The following ARHGAP22 variants were observed in gnomAD, a reference collection of about 807,000 sequenced individuals.
ARHGAP22 encodes the protein rho GTPase-activating protein 22.
ARHGAP22 carries 48 observed loss-of-function variants against 59.1 expected under a neutral mutation model. The observed-to-expected ratio is 0.81, with a 90% CI of 0.64 to 1.03. ARHGAP22 has a LOEUF of 1.03. Among genes scored for constraint, ARHGAP22 ranks in the 50% least tolerant of loss-of-function variants. The pLI is 0.00. For synonymous variants in ARHGAP22, 445 were observed against 416.4 expected, an observed-to-expected ratio of 1.07 and a Z score of -0.84; for missense variants, 1,015 against 958.7, an observed-to-expected ratio of 1.06 and a Z score of -0.78.
At chr10:48,509,664 C>T (rs1193075215) in intron 3 of ARHGAP22, among the ~76,000 whole-genome samples, 1 of 152,264 alleles carries the variant, frequency 6.6e-6, no homozygotes, top group African/African-American at 2.4e-5. Flanking sequence ...GGGCCCTCCC[C>T]GCACAGCCCC....
At chr10:48,617,187 C>T (rs557560591) in intron 1 of ARHGAP22, among the ~76,000 whole-genome samples, 3 of 151,930 alleles carry the variant, frequency 2.0e-5, no homozygotes, top group Admixed American at 6.6e-5. Flanking sequence ...AACACTGGAC[C>T]ACTCAGATAT....
intron 1 of ARHGAP22, among the ~76,000 whole-genome samples, chr10:48,620,235 G>C (rs1033256749): frequency 6.6e-6 from 1 of 151,598 alleles, no homozygotes; most frequent in African/African-American, 2.4e-5. Flanking sequence ...CCTGAGCCAC[G>C]GAGCTGTATG....
chr10:48,537,156 AAG>A (rs2055439020), intron 3 of ARHGAP22, among the ~76,000 whole-genome samples: 1 of 152,256 alleles, frequency 6.6e-6, no homozygotes, highest in South Asian at 2.1e-4. Flanking sequence ...AATGAAAAGA[AAG>A]AAATCCTTCT....
chr10:48,583,011 A>G lies in ARHGAP22; in HGVS notation c.176T>C (p.Phe59Ser), dbSNP rs759125349. The change falls in exon 2 of 10, where the codon TTT becomes TCT. Residue 59 changes from phenylalanine to serine, a missense_variant. Coordinates refer to ENST00000249601, the MANE Select transcript of ARHGAP22 (RefSeq NM_021226.4). ...GAAAAGCTGATCCCCACGCAGCACAAACCAGCGCTGCTGCCAGTTCTTCAT... is the reference window on the plus strand; with the variant it reads ...GAAAAGCTGATCCCCACGCAGCACAGACCAGCGCTGCTGCCAGTTCTTCAT... ...SIMKNWQQRWFVLRGDQLFYY... is the reference protein window; with the variant it reads ...SIMKNWQQRWSVLRGDQLFYY... 6.2e-7 allele frequency: 1 copy of G among 1,614,228 alleles called. No homozygotes were observed. The highest frequency in any genetic ancestry group is 8.5e-7 in the Non-Finnish European group (1 of 1,180,026).
At chr10:48,509,254 C>T (rs912946880) in intron 3 of ARHGAP22, among the ~76,000 whole-genome samples, 1 of 152,036 alleles carries the variant, frequency 6.6e-6, no homozygotes, top group Non-Finnish European at 1.5e-5. Context: ...TCCTGGCCAG[C>T]GTGGGGGACC....
chr10:48,633,612 T>C (rs960194494), intron 1 of ARHGAP22, among the ~76,000 whole-genome samples: 6 of 152,304 alleles, frequency 3.9e-5, no homozygotes, highest in African/African-American at 1.4e-4. Context: ...ATCACTTGAG[T>C]AAGGGCATAG....
At chr10:48,435,915 TCTA>T in the ARHGAP22 span, 5 of 152,258 alleles carry the variant, frequency 3.3e-5, no homozygotes, top group African/African-American at 1.2e-4. Flanking sequence ...ACTGAGTTAA[TCTA>T]CTCAGGCTGT....
In ARHGAP22 at chr10:48,453,336, G is replaced by A; in HGVS notation, c.956C>T (p.Pro319Leu). 3.7e-6 allele frequency: 6 copies of A among 1,613,984 alleles called. No homozygotes were observed. Among genetic ancestry groups the A allele is most frequent in the Non-Finnish European group, 5.1e-6 (6 of 1,179,978 alleles). ...ATVFGPNILR[P>L]QVEDPVTIME... is the part of the protein sequence containing the mutation. ...GATGGTTACTGGGTCCTCTACCTGTGGCCGCAGAATGTTAGGTCCAAAAAC... is the reference window on the plus strand; with the variant it reads ...GATGGTTACTGGGTCCTCTACCTGTAGCCGCAGAATGTTAGGTCCAAAAAC... Residue 319 changes from proline to leucine, a missense_variant, in exon 8 of 10, where the codon CCA (proline) becomes CTA (leucine). By Grantham distance (98) the Pro-to-Leu change is moderately conservative. Coordinates refer to ENST00000249601, the MANE Select transcript of ARHGAP22 (RefSeq NM_021226.4).
At chr10:48,614,600 CA>C (rs940259779) in intron 1 of ARHGAP22, among the ~76,000 whole-genome samples, 1 of 152,136 alleles carries the variant, frequency 6.6e-6, no homozygotes, top group African/African-American at 2.4e-5. Context: ...GCAACAACAA[CA>C]AAAAAGTGAC....
At chr10:48,611,986 C>G (rs1433590169) in intron 1 of ARHGAP22, among the ~76,000 whole-genome samples, 7 of 149,968 alleles carry the variant, frequency 4.7e-5, no homozygotes, top group African/African-American at 9.8e-5. Flanking sequence ...CCACACCCGG[C>G]TACTTTTTGT....
intron 3 of ARHGAP22, among the ~76,000 whole-genome samples, chr10:48,487,020 C>T (rs148047591): frequency 2.0e-5 from 3 of 152,184 alleles, no homozygotes; most frequent in Admixed American, 1.3e-4. Context: ...TTATGACGTG[C>T]CTCAGTGCAA....
At chr10:48,552,961 C>T (rs1320002039) in intron 3 of ARHGAP22, among the ~76,000 whole-genome samples, 1 of 152,222 alleles carries the variant, frequency 6.6e-6, no homozygotes, top group African/African-American at 2.4e-5. Context: ...TCAGGAGATT[C>T]ACCTTACCCC....
intron 3 of ARHGAP22, among the ~76,000 whole-genome samples, chr10:48,554,923 C>G (rs1413560792): frequency 6.6e-6 from 1 of 152,238 alleles, no homozygotes; most frequent in East Asian, 1.9e-4. Flanking sequence ...CCGGCCCTGC[C>G]ATGTACACTG....
At chr10:48,606,845 G>A (rs975497129), upstream of ARHGAP22, among the ~76,000 whole-genome samples, 4 of 152,120 alleles carry the variant, frequency 2.6e-5, no homozygotes, top group African/African-American at 7.2e-5. Flanking sequence ...CTATGTCCCT[G>A]TACTGCCCCT....
At chr10:48,476,587 T>G (rs891371479) in intron 4 of ARHGAP22, among the ~76,000 whole-genome samples, 1 of 152,198 alleles carries the variant, frequency 6.6e-6, no homozygotes, top group African/African-American at 2.4e-5. Context: ...CGCTAACTCC[T>G]GAGATTTCTG....
chr10:48,452,930 G>A (rs1305524894), intron 8 of ARHGAP22, among the ~76,000 whole-genome samples: 3 of 152,172 alleles, frequency 2.0e-5, no homozygotes, highest in African/African-American at 7.2e-5. Context: ...TGACATCCAG[G>A]AACCTATGAC....
intron 3 of ARHGAP22, among the ~76,000 whole-genome samples, chr10:48,510,134 G>A (rs553444893): frequency 6.6e-6 from 1 of 152,206 alleles, no homozygotes; most frequent in Non-Finnish European, 1.5e-5. Flanking sequence ...CGTGGGGACA[G>A]CTGAGAACCC....
intron 3 of ARHGAP22, among the ~76,000 whole-genome samples, chr10:48,520,266 G>T (rs149817354): frequency 2.4e-4 from 37 of 152,344 alleles, no homozygotes; most frequent in Non-Finnish European, 4.7e-4. Flanking sequence ...GAGGGAGACA[G>T]CTCAGAAGGT....
intron 1 of ARHGAP22, among the ~76,000 whole-genome samples, chr10:48,603,260 C>T (rs940828548): frequency 6.6e-6 from 1 of 152,140 alleles, no homozygotes; most frequent in Non-Finnish European, 1.5e-5. Context: ...GCCTGTAAGC[C>T]CCTTTGCTGA....
Sources: gnomAD v4.1 joint callset for allele counts (sites outside exome capture counted in the v4.1 genomes callset) on GRCh38, gnomAD v4.1.1 for gene constraint, MANE v1.5 for transcripts, NCBI Gene and HGNC (gene_info 2026-07-23, HGNC 2026-07-21) for gene names.